ITSN1: variants seen among roughly 807,000 people sequenced by gnomAD.
ITSN1 encodes intersectin 1.
A neutral mutation model predicts 239.8 loss-of-function variants in ITSN1; 58 were observed. The observed-to-expected ratio is 0.24, with a 90% CI of 0.20 to 0.30. The LOEUF is 0.30. Ranked by LOEUF, ITSN1 falls within the 10% of genes least tolerant of loss-of-function variation. The probability of loss-of-function intolerance (pLI) is 1.00; values close to 1 mark genes in which losing one functional copy is unlikely to be tolerated. For synonymous variants in ITSN1, 780 were observed against 770.8 expected (o/e 1.01, Z -0.20); for missense variants, 1,558 against 2,103.3 (o/e 0.74, Z 5.07).
intron 1 of ITSN1, among the ~76,000 whole-genome samples, chr21:33,700,323 G>A (rs773552650): frequency 6.6e-5 from 10 of 152,162 alleles, no homozygotes; most frequent in Non-Finnish European, 1.2e-4. Context: ...AACCTCAGGT[G>A]ATCCACCTGC....
intron 7 of ITSN1, chr21:33,754,060 G>A (rs181494654): frequency 1.3e-5 from 2 of 152,194 alleles, no homozygotes; most frequent in East Asian, 1.9e-4. Context: ...GATGTGATAA[G>A]TGTAATCTGG....
At chr21:33,751,695 A>G in intron 6 of ITSN1, 115 bp from the exon 7 acceptor site, 1 of 766,542 alleles carries the variant, frequency 1.3e-6, no homozygotes, top group Non-Finnish European at 2.2e-6. Context: ...TAGGCTGGCA[A>G]GAAGGGGGAA....
At chr21:33,753,660 G>A (rs527313817) in intron 7 of ITSN1, among the ~76,000 whole-genome samples, 2 of 151,098 alleles carry the variant, frequency 1.3e-5, no homozygotes, top group South Asian at 2.1e-4. Context: ...TACTCGGGAG[G>A]CTGAGGCAAG....
intron 21 of ITSN1, 66 bp from the exon 22 acceptor site, chr21:33,813,847 C>G: frequency 1.7e-6 from 2 of 1,151,290 alleles, no homozygotes; most frequent in Middle Eastern, 2.3e-4. Flanking sequence ...TGGTACTTTA[C>G]TGTGGGTAAA....
rs759583252 is a variant in ITSN1 at position 33,813,961 on chromosome 21, A to G, written c.2616A>G (p.Ala872=). The part of the protein sequence containing the change: ...NEKPETDNWD[A]WAAQPSLTVP... ...AACCAGAAACGGATAACTGGGATGCATGGGCAGCCCAGCCCTCTCTCACCG... is the reference window on the plus strand; with the variant it reads ...AACCAGAAACGGATAACTGGGATGCGTGGGCAGCCCAGCCCTCTCTCACCG... Residue 872 remains alanine (A), a synonymous_variant, in exon 22 of 40, where the codon GCA becomes GCG. Coordinates refer to ENST00000381318, the MANE Select transcript of ITSN1 (RefSeq NM_003024.3). 4 of 1,613,846 alleles carry G rather than the reference A, an allele frequency of 2.5e-6. No homozygotes were observed. The highest frequency in any genetic ancestry group is 1.6e-4 in the Middle Eastern group (1 of 6,084).
At chr21:33,808,882 A>C (rs925366876) in intron 20 of ITSN1, among the ~76,000 whole-genome samples, 1 of 152,186 alleles carries the variant, frequency 6.6e-6, no homozygotes, top group Non-Finnish European at 1.5e-5. Flanking sequence ...CCTGCCTGAC[A>C]TCACCTTTGG....
At chr21:33,656,218 G>A (rs1017448111) in intron 1 of ITSN1, among the ~76,000 whole-genome samples, 10 of 152,198 alleles carry the variant, frequency 6.6e-5, no homozygotes, top group Admixed American at 3.3e-4. Flanking sequence ...CCCCCAGTTG[G>A]TGAGACCAGT....
chr21:33,802,670 T>C (rs2072096934), intron 20 of ITSN1, among the ~76,000 whole-genome samples: 1 of 152,228 alleles, frequency 6.6e-6, no homozygotes, highest in South Asian at 2.1e-4. Context: ...AAGGACTAAC[T>C]TGAATGCTCT....
intron 26 of ITSN1, among the ~76,000 whole-genome samples, chr21:33,828,671 G>A (rs912043821): frequency 3.4e-5 from 5 of 147,598 alleles, no homozygotes; most frequent in Non-Finnish European, 6.0e-5. Flanking sequence ...TTCTCCTTTC[G>A]TTCACAAACC....
chr21:33,764,903 G>A (rs139845768), intron 9 of ITSN1, among the ~76,000 whole-genome samples: 2 of 152,326 alleles, frequency 1.3e-5, no homozygotes, highest in African/African-American at 4.8e-5. Context: ...GAATGATGGA[G>A]ATTGAATCCT....
chr21:33,678,474 G>A (rs895410858), intron 1 of ITSN1, among the ~76,000 whole-genome samples: 3 of 152,122 alleles, frequency 2.0e-5, no homozygotes, highest in Non-Finnish European at 4.4e-5. Context: ...ACTTAGCCCC[G>A]TGCTTGGCCC....
At chr21:33,704,502 T>C (rs756499938) in intron 1 of ITSN1, among the ~76,000 whole-genome samples, 9 of 152,182 alleles carry the variant, frequency 5.9e-5, no homozygotes, top group Non-Finnish European at 1.0e-4. Flanking sequence ...TCTTCCATTG[T>C]TTAATAACTG....
intron 29 of ITSN1, among the ~76,000 whole-genome samples, chr21:33,843,030 C>T (rs769960005): frequency 2.0e-5 from 3 of 152,078 alleles, no homozygotes; most frequent in Non-Finnish European, 2.9e-5. Context: ...GCCTGGGCTG[C>T]GGTGGAGCGC....
intron 1 of ITSN1, among the ~76,000 whole-genome samples, chr21:33,654,988 A>G (rs763224685): frequency 1.3e-5 from 2 of 150,534 alleles, no homozygotes; most frequent in Non-Finnish European, 3.0e-5. Context: ...TCTTACCACA[A>G]TATTCTTTTT....
intron 22 of ITSN1, among the ~76,000 whole-genome samples, chr21:33,815,721 A>G (rs2073220819): frequency 6.6e-6 from 1 of 152,162 alleles, no homozygotes; most frequent in African/African-American, 2.4e-5. Context: ...CACAGAAAAG[A>G]CAGGAGTCTT....
At chr21:33,688,124 C>T (rs2091338799) in intron 1 of ITSN1, among the ~76,000 whole-genome samples, 1 of 151,594 alleles carries the variant, frequency 6.6e-6, no homozygotes, top group Non-Finnish European at 1.5e-5. Flanking sequence ...AAGCATCAGC[C>T]TTATTAGCTG....
chr21:33,822,187 C>T (rs1032528918), intron 24 of ITSN1, among the ~76,000 whole-genome samples: 1 of 152,228 alleles, frequency 6.6e-6, no homozygotes, highest in Non-Finnish European at 1.5e-5. Context: ...CCTTGTTGCT[C>T]CAGGGGCTGC....
Position 33,761,036 on chromosome 21 carries a change from CT to C in ITSN1, c.725-873del, listed in dbSNP as rs765976928. ...AAGAGTAGAAATTCCAGGAATTCTT[CT>C]TTTTTTTTTTTTTCTTGGCTAACAT... On this transcript the variant is annotated intron_variant, in intron 8 of 39. Coordinates refer to ENST00000381318, the MANE Select transcript of ITSN1 (RefSeq NM_003024.3). Among the ~76,000 whole-genome samples, 1,193 of 133,810 alleles carry C rather than the reference CT, an allele frequency of 8.9e-3. 16 individuals are homozygous for C. Among genetic ancestry groups the C allele is most frequent in the Admixed American group, 0.025 (341 of 13,602 alleles). 87.8% of individuals were successfully genotyped at this position (133,810 alleles called of 152,430 possible).
At chr21:33,813,441 C>T (rs1019711947) in intron 21 of ITSN1, among the ~76,000 whole-genome samples, 2 of 151,956 alleles carry the variant, frequency 1.3e-5, no homozygotes, top group African/African-American at 4.8e-5. Context: ...CAACCTCTGC[C>T]TCCGAGGTTG....
Sources: gnomAD v4.1 joint callset for allele counts (sites outside exome capture counted in the v4.1 genomes callset) on GRCh38, gnomAD v4.1.1 for gene constraint, MANE v1.5 for transcripts, NCBI Gene and HGNC (gene_info 2026-07-23, HGNC 2026-07-21) for gene names.